The following GLB1 variants were observed in gnomAD, a reference collection of about 807,000 sequenced individuals.
The protein encoded by GLB1 is beta-galactosidase.
Under a neutral mutation model 74.0 loss-of-function variants are expected in GLB1, and 56 were observed. The observed-to-expected ratio is 0.76, with a 90% CI of 0.61 to 0.94. The LOEUF is 0.94. Among genes scored for constraint, GLB1 ranks in the 40% least tolerant of loss-of-function variants. The pLI is 0.00. For synonymous variants in GLB1, 323 were observed against 323.6 expected, an observed-to-expected ratio of 1.00 and a Z score of 0.02; for missense variants, 787 against 845.5, an observed-to-expected ratio of 0.93 and a Z score of 0.86.
chr3:33,034,227 G>A, intron 10 of GLB1: 1 of 657,416 alleles, frequency 1.5e-6, no homozygotes. Context: ...ATCCTGGCCT[G>A]TAGGAGCTCA....
intron 1 of GLB1, among the ~76,000 whole-genome samples, chr3:33,078,836 C>T (rs1292263085): frequency 1.3e-5 from 2 of 151,972 alleles, no homozygotes; most frequent in Non-Finnish European, 2.9e-5. Context: ...TTTTTATTTA[C>T]TATTATAATT....
chr3:32,961,945 C>T, the GLB1 span, among the ~76,000 whole-genome samples: 2 of 152,150 alleles, frequency 1.3e-5, no homozygotes, highest in African/African-American at 2.4e-5. Context: ...CCTGTAATCC[C>T]GGTACTTTGG....
intron 10 of GLB1, among the ~76,000 whole-genome samples, chr3:33,029,603 T>G (rs1180443000): frequency 6.6e-6 from 1 of 152,176 alleles, no homozygotes; most frequent in Admixed American, 6.5e-5. Flanking sequence ...ATATACACCA[T>G]GGAATACTAT....
At chr3:33,017,325 C>G (rs1317647771) in intron 13 of GLB1, among the ~76,000 whole-genome samples, 2 of 152,144 alleles carry the variant, frequency 1.3e-5, no homozygotes, top group Admixed American at 6.6e-5. Context: ...AATCATACAA[C>G]AGAATGAGGA....
intron 15 of GLB1, among the ~76,000 whole-genome samples, chr3:33,013,049 A>G (rs1362603303): frequency 3.3e-5 from 5 of 152,208 alleles, no homozygotes; most frequent in Admixed American, 1.3e-4. Flanking sequence ...ACACAAAGAC[A>G]AAACTTTAAC....
chr3:33,027,443 A>AGT (rs1697819322), intron 10 of GLB1, among the ~76,000 whole-genome samples: 1 of 152,244 alleles, frequency 6.6e-6, no homozygotes, highest in Admixed American at 6.5e-5. Flanking sequence ...GAACGAACCC[A>AGT]GTGGGCCCGA....
At chr3:33,034,480 C>G (rs957179485) in intron 10 of GLB1, 4 of 732,582 alleles carry the variant, frequency 5.5e-6, no homozygotes, top group African/African-American at 3.4e-5. Context: ...AGCACAGTGA[C>G]TGGGTTTGAG....
At chr3:33,076,364 T>A (rs1227652795) in intron 1 of GLB1, among the ~76,000 whole-genome samples, 2 of 152,202 alleles carry the variant, frequency 1.3e-5, no homozygotes. Context: ...CCAGATCGAA[T>A]GAGCCCTGAA....
intron 4 of GLB1, 108 bp downstream of exon 4, chr3:33,068,122 G>A (rs1699759962): frequency 6.6e-7 from 1 of 1,520,310 alleles, no homozygotes. Context: ...CCCAACCTCA[G>A]GTAATCCACC....
rs926492833 is a variant in GLB1 at position 33,066,677 on chromosome 3, G to A, written c.458-1120C>T. Reference sequence around the variant, plus strand: ...ATGTTTGCTGAATGAAGAAAAGAGTGACTGAACAGTGTATCCTCTTCTCAG... The same window carrying A: ...ATGTTTGCTGAATGAAGAAAAGAGTAACTGAACAGTGTATCCTCTTCTCAG... On this transcript the variant is annotated intron_variant, in intron 4 of 15. Transcript: ENST00000307363. Among the ~76,000 whole-genome samples the A allele has an allele frequency of 3.9e-5, 6 of 152,164 alleles. No homozygotes were observed. In the East Asian group the frequency reaches 1.2e-3, roughly 29 times the overall value.
intron 15 of GLB1, among the ~76,000 whole-genome samples, chr3:33,000,701 T>G (rs1575396411): frequency 6.6e-6 from 1 of 152,220 alleles, no homozygotes; most frequent in Non-Finnish European, 1.5e-5. Flanking sequence ...CACTCCAGCC[T>G]GGGTGATAGA....
chr3:32,971,632 T>C, the GLB1 span, among the ~76,000 whole-genome samples: 1 of 152,306 alleles, frequency 6.6e-6, no homozygotes, highest in Non-Finnish European at 1.5e-5. Flanking sequence ...AATTGGAAAG[T>C]ACTATATCGC....
intron 10 of GLB1, among the ~76,000 whole-genome samples, chr3:33,036,059 A>T (rs1014532864): frequency 3.9e-5 from 6 of 152,208 alleles, no homozygotes; most frequent in Non-Finnish European, 2.9e-5. Context: ...AGAACTAGAG[A>T]TCATGAAAGA....
intron 1 of GLB1, chr3:33,091,418 A>T (rs1700756726): frequency 1.0e-6 from 1 of 985,522 alleles, no homozygotes; most frequent in Non-Finnish European, 1.2e-6. Context: ...GCTTTGACAC[A>T]TCACCTGCCC....
At chr3:33,048,741 G>A (rs770297552) in intron 9 of GLB1, among the ~76,000 whole-genome samples, 3 of 152,160 alleles carry the variant, frequency 2.0e-5, no homozygotes, top group Non-Finnish European at 4.4e-5. Flanking sequence ...GCTGGCTCAG[G>A]GGCTCCAGGG....
At chr3:33,087,860 C>A (rs143613495) in intron 1 of GLB1, among the ~76,000 whole-genome samples, 26 of 129,726 alleles carry the variant, frequency 2.0e-4, no homozygotes, top group Admixed American at 1.5e-3. Context: ...AAATCCTCAA[C>A]AAAATACTAG....
At chr3:33,000,031 T>C (rs1322888178) in intron 15 of GLB1, among the ~76,000 whole-genome samples, 1 of 151,566 alleles carries the variant, frequency 6.6e-6, no homozygotes, top group African/African-American at 2.4e-5. Flanking sequence ...CCATCACGAC[T>C]CACTGTAGTG....
intron 12 of GLB1, among the ~76,000 whole-genome samples, chr3:33,020,280 C>T (rs1170552326): frequency 6.6e-6 from 1 of 152,198 alleles, no homozygotes; most frequent in Non-Finnish European, 1.5e-5. Flanking sequence ...GCAAACTTCA[C>T]TAAACTAAGA....
At chr3:33,047,146 G>A (rs560031177) in intron 9 of GLB1, among the ~76,000 whole-genome samples, 1 of 152,250 alleles carries the variant, frequency 6.6e-6, no homozygotes, top group East Asian at 1.9e-4. Flanking sequence ...TTTCTACCAG[G>A]TAATCTCAGA....
Sources: allele counts gnomAD v4.1 joint callset (sites outside exome capture counted in the v4.1 genomes callset), GRCh38; gene constraint gnomAD v4.1.1; transcripts MANE v1.5; gene names NCBI Gene and HGNC (gene_info 2026-07-23, HGNC 2026-07-21).